LEPR: variants seen among roughly 807,000 people sequenced by gnomAD.
LEPR encodes OB receptor.
Under a neutral mutation model 114.7 loss-of-function variants are expected in LEPR, and 56 were observed. The observed-to-expected ratio is 0.49, with a 90% CI of 0.39 to 0.61. The LOEUF is 0.61. Among genes scored for constraint, LEPR ranks in the 20% least tolerant of loss-of-function variants. The pLI, the probability that LEPR is intolerant of heterozygous loss-of-function variation, is 0.00. For missense variants in LEPR, 1,202 were observed against 1,352.9 expected (o/e 0.89, Z 1.75); for synonymous variants, 443 against 461.4 (o/e 0.96, Z 0.51).
intron 1 of LEPR, among the ~76,000 whole-genome samples, chr1:65,421,096 C>G (rs1337391907): frequency 1.3e-5 from 2 of 152,222 alleles, no homozygotes; most frequent in African/African-American, 2.4e-5. Flanking sequence ...TTCTGGTTTT[C>G]TGCCCCTCCG....
At chr1:65,564,930 C>G (rs867745747) in intron 2 of LEPR, among the ~76,000 whole-genome samples, 1 of 152,202 alleles carries the variant, frequency 6.6e-6, no homozygotes, top group Non-Finnish European at 1.5e-5. Flanking sequence ...CATAGGAAAT[C>G]TTGTCTCTGA....
intron 5 of LEPR, among the ~76,000 whole-genome samples, chr1:65,589,022 C>T (rs1276547884): frequency 6.6e-6 from 1 of 152,096 alleles, no homozygotes; most frequent in Non-Finnish European, 1.5e-5. Flanking sequence ...TATCATTTTA[C>T]ATTCCCATCA....
chr1:65,489,593 T>C (rs188496214), intron 2 of LEPR, among the ~76,000 whole-genome samples: 65 of 152,274 alleles, frequency 4.3e-4, no homozygotes, highest in Admixed American at 3.8e-3. Flanking sequence ...TTGTTTCTCT[T>C]GCCACATAGA....
At chr1:65,580,894 T>C (rs923195864) in intron 5 of LEPR, among the ~76,000 whole-genome samples, 1 of 152,070 alleles carries the variant, frequency 6.6e-6, no homozygotes, top group Non-Finnish European at 1.5e-5. Context: ...TGGCAGGACT[T>C]GAAAAGTTGA....
chr1:65,610,019 G>C lies in LEPR; in HGVS notation c.1825G>C (p.Val609Leu). ...PVPDLCAVYA[V>L]QVRCKRLDGL... ...TCCAGACTTGTGTGCAGTCTATGCT[G>C]TTCAGGTGCGCTGTAAGAGGCTAGA... Residue 609 changes from valine (V) to leucine (L), a missense_variant, in exon 13 of 20, where the codon GTT becomes CTT. Transcript: ENST00000349533. The C allele has an allele frequency of 6.2e-7, 1 of 1,614,218 alleles. No homozygotes were observed. Among genetic ancestry groups the C allele is most frequent in the Non-Finnish European group, 8.5e-7 (1 of 1,180,024 alleles).
rs777942232 is a variant in LEPR at position 65,636,384 on chromosome 1, G to A, written c.2867G>A (p.Ser956Asn). 6 of 1,614,090 alleles carry A rather than the reference G, an allele frequency of 3.7e-6. No individual in the cohort carries two copies. The highest frequency in any genetic ancestry group is 5.1e-6 in the Non-Finnish European group (6 of 1,179,994). ...TDLEKGSVCI[S>N]DQFNSVNFSE... ...CTTGAAAAGGGTTCTGTTTGTATTA[G>A]TGACCAGTTCAACAGTGTTAACTTC... The change falls in exon 20 of 20, where the codon AGT becomes AAT. Residue 956 changes from serine (S) to asparagine (N), a missense_variant. Transcript: ENST00000349533.
At chr1:65,516,446 A>G (rs1435825668) in intron 2 of LEPR, among the ~76,000 whole-genome samples, 4 of 152,284 alleles carry the variant, frequency 2.6e-5, no homozygotes, top group African/African-American at 7.2e-5. Context: ...TCCGTCTCAA[A>G]AAAAAACAAA....
At chr1:65,585,471 A>G (rs1314827973) in intron 5 of LEPR, among the ~76,000 whole-genome samples, 1 of 152,034 alleles carries the variant, frequency 6.6e-6, no homozygotes, top group East Asian at 1.9e-4. Flanking sequence ...ATGGCTACCA[A>G]AAATGAAATT....
chr1:65,603,213 G>T (rs1037886739), intron 10 of LEPR, among the ~76,000 whole-genome samples: 1 of 151,986 alleles, frequency 6.6e-6, no homozygotes, highest in African/African-American at 2.4e-5. Flanking sequence ...TCAATATATG[G>T]TTTTTGCTGT....
intron 5 of LEPR, among the ~76,000 whole-genome samples, chr1:65,583,459 C>A (rs539013046): frequency 7.2e-5 from 11 of 152,156 alleles, no homozygotes; most frequent in African/African-American, 2.4e-4. Flanking sequence ...ATTGGAGAGA[C>A]CTTAATGGGT....
chr1:65,595,291 TAC>T (rs1655987056), intron 6 of LEPR, among the ~76,000 whole-genome samples: 1 of 109,636 alleles, frequency 9.1e-6, no homozygotes, highest in Non-Finnish European at 1.9e-5. Context: ...AATGTAGGCA[TAC>T]ATATACATAA....
intron 7 of LEPR, among the ~76,000 whole-genome samples, chr1:65,597,836 AAAC>A (rs1570782244): frequency 6.6e-6 from 1 of 152,174 alleles, no homozygotes; most frequent in East Asian, 1.9e-4. Context: ...CATATGGAGA[AAAC>A]AGAGTTAAGG....
rs978461268 is a variant in LEPR, at chr1:65,536,836, C to G, written c.-20-28710C>G. ...ATTGTTTCTGGGATTTTCTTCCAAGCTGGTTCATTTTGCTAATTTTGATGC... is the reference window on the plus strand; with the variant it reads ...ATTGTTTCTGGGATTTTCTTCCAAGGTGGTTCATTTTGCTAATTTTGATGC... On this transcript the variant is annotated intron_variant, in intron 2 of 19. Transcript: ENST00000349533. Among the ~76,000 whole-genome samples, 4 of 152,096 alleles carry G rather than the reference C, an allele frequency of 2.6e-5. No homozygotes were observed. The South Asian group carries it at 8.3e-4, about 32-fold the overall frequency.
intron 7 of LEPR, among the ~76,000 whole-genome samples, chr1:65,596,813 T>C (rs1656096901): frequency 6.6e-6 from 1 of 152,076 alleles, no homozygotes; most frequent in South Asian, 2.1e-4. Flanking sequence ...AATTCATAAT[T>C]ACAATTATTT....
At chr1:65,571,326 C>A (rs906257565) in intron 4 of LEPR, among the ~76,000 whole-genome samples, 1 of 151,364 alleles carries the variant, frequency 6.6e-6, no homozygotes, top group Non-Finnish European at 1.5e-5. Flanking sequence ...GCACATGTAC[C>A]CCTGAACTAA....
chr1:65,424,964 CA>C (rs1399128841), intron 1 of LEPR, among the ~76,000 whole-genome samples: 1 of 152,204 alleles, frequency 6.6e-6, no homozygotes, highest in African/African-American at 2.4e-5. Context: ...ACACATAATG[CA>C]GTCTGTAACG....
rs1357999225 is a variant in LEPR, at chr1:65,488,036, GTTTC to G, written c.-21+62667_-21+62670del. Among the ~76,000 whole-genome samples, 4 of 75,594 alleles carry G rather than the reference GTTTC, an allele frequency of 5.3e-5. No individual in the cohort carries two copies. The East Asian group carries it at 1.0e-3, about 19-fold the overall frequency. The allele number at this position is 75,594 out of a possible 152,430, so 49.6% of individuals were successfully genotyped here. A position where few individuals can be genotyped will look rare whatever the true frequency, so the allele number is the denominator to read the frequency against. ...TTCCTTCCTTTCTCTTTCTTTCTTT[GTTTC>G]TTTCTTTCCTCTTTCTTTCCCTCCC... On this transcript the variant is annotated intron_variant, in intron 2 of 19. Coordinates refer to ENST00000349533, the MANE Select transcript of LEPR (RefSeq NM_002303.6).
chr1:65,533,658 ACTT>A (rs200885604), intron 2 of LEPR, among the ~76,000 whole-genome samples: 2 of 151,968 alleles, frequency 1.3e-5, no homozygotes, highest in Admixed American at 6.6e-5. Flanking sequence ...CCTTCTACAT[ACTT>A]CTTTATCTGT....
Position 65,570,673 on chromosome 1 carries a change from A to G in LEPR, c.241A>G (p.Asn81Asp), listed in dbSNP as rs772680635. 5.0e-6 allele frequency: 8 copies of G among 1,613,822 alleles called. No homozygotes were observed. Among genetic ancestry groups the G allele is most frequent in the Non-Finnish European group, 6.8e-6 (8 of 1,179,924 alleles). Reference sequence around the variant, plus strand: ...TAATTCAAGTGGTACTCACTTTTCTAACTTATCCAAAACAACTTTCCACTG... The same window carrying G: ...TAATTCAAGTGGTACTCACTTTTCTGACTTATCCAAAACAACTTTCCACTG... The part of the protein sequence containing the change: ...KFNSSGTHFS[N>D]LSKTTFHCCF... Residue 81 changes from asparagine (N) to aspartate (D), a missense_variant, in exon 4 of 20, where the codon AAC becomes GAC. Physicochemically the swap from Asn to Asp is conservative, Grantham distance 23. Coordinates refer to ENST00000349533, the MANE Select transcript of LEPR (RefSeq NM_002303.6).
Sources: allele counts gnomAD v4.1 joint callset (sites outside exome capture counted in the v4.1 genomes callset), GRCh38; gene constraint gnomAD v4.1.1; transcripts MANE v1.5; gene names NCBI Gene and HGNC (gene_info 2026-07-23, HGNC 2026-07-21).